MAP3K2: variants seen among roughly 807,000 people sequenced by gnomAD.
MAP3K2 encodes mitogen-activated protein kinase kinase kinase 2.
MAP3K2 carries 24 observed loss-of-function variants against 80.3 expected under a neutral mutation model. The observed-to-expected ratio is 0.30, with a 90% confidence interval of 0.22 to 0.42. The LOEUF is 0.42. Ranked by LOEUF, MAP3K2 falls within the 10% of genes least tolerant of loss-of-function variation. The pLI is 1.00. For missense variants in MAP3K2, 608 were observed against 750.1 expected (o/e 0.81, Z 2.21); for synonymous variants, 244 against 253.7 (o/e 0.96, Z 0.36).
chr2:127,361,334 A>G (rs59366730), intron 1 of MAP3K2, among the ~76,000 whole-genome samples: 1 of 149,216 alleles, frequency 6.7e-6, no homozygotes, highest in African/African-American at 2.5e-5. Flanking sequence ...AAAAAAAAAA[A>G]TTAAAAGGGA....
In MAP3K2 at chr2:127,378,171, C is replaced by A. The variant is rs982451870; in HGVS notation, c.-66+9281G>T. The A allele has an allele frequency of 3.0e-6, 3 of 984,202 alleles. No homozygotes were observed. In the African/African-American group the frequency reaches 5.2e-5, roughly 17 times the overall value. The allele number at this position is 984,202 out of a possible 1,614,324, so 61.0% of individuals were successfully genotyped here. On this transcript the variant is annotated intron_variant, in intron 1 of 16. Transcript: ENST00000682094. Reference sequence around the variant, plus strand: ...GGAGATCTAAAAAACTACACATCCTCAAGGAACCAGAATACAAAGAAAAAC... The same window carrying A: ...GGAGATCTAAAAAACTACACATCCTAAAGGAACCAGAATACAAAGAAAAAC...
intron 1 of MAP3K2, among the ~76,000 whole-genome samples, chr2:127,387,201 TAC>T (rs1325443709): frequency 6.6e-6 from 1 of 152,036 alleles, no homozygotes; most frequent in African/African-American, 2.4e-5. Flanking sequence ...CTCTGCAGGG[TAC>T]GTGTCTGACA....
intron 12 of MAP3K2, among the ~76,000 whole-genome samples, chr2:127,320,491 C>T (rs929442047): frequency 6.6e-6 from 1 of 151,700 alleles, no homozygotes. Flanking sequence ...AGGTATGAGA[C>T]AGTATCAAAT....
rs1179733405 is a variant in MAP3K2 at position 127,299,750 on chromosome 2, TAAA to T, written c.*7826_*7828del. On this transcript the variant is annotated 3_prime_UTR_variant, in exon 17 of 17. Transcript: ENST00000682094. Reference sequence around the variant, plus strand: ...AAAATACAAATACATTTTGAATGGCTAAAAACAAAATTTTAAAAATACTTTTGA... The same window carrying T: ...AAAATACAAATACATTTTGAATGGCTAACAAAATTTTAAAAATACTTTTGA... 1.2e-4 allele frequency: 19 copies of T among 152,164 alleles called. No individual in the cohort carries two copies. The highest frequency in any genetic ancestry group is 1.2e-3 in the Admixed American group (18 of 15,274). 9.4% of individuals were successfully genotyped at this position (152,164 alleles called of 1,614,324 possible).
intron 1 of MAP3K2, among the ~76,000 whole-genome samples, chr2:127,372,261 C>A (rs1364318457): frequency 1.3e-5 from 2 of 152,112 alleles, no homozygotes; most frequent in Non-Finnish European, 2.9e-5. Flanking sequence ...CCCCCGGGAT[C>A]AAAGACAGCT....
Position 127,322,592 on chromosome 2 carries a change from A to AT in MAP3K2, c.839-341dup, listed in dbSNP as rs1247155722. ...AAGATGCAGAAGTTCACAGGTAGTA[A>AT]TTTTTTTCTTTTCTTTTTGAGATGG... On this transcript the variant is annotated intron_variant, in intron 11 of 16. Transcript: ENST00000682094. This position sits in a 1 kb window ranked among gnomAD's most constrained non-coding sequence, Gnocchi z 4.2. Among the ~76,000 whole-genome samples the AT allele has an allele frequency of 6.6e-6, 1 of 151,910 alleles. No individual in the cohort carries two copies. Among genetic ancestry groups the AT allele is most frequent in the Non-Finnish European group, 1.5e-5 (1 of 67,958 alleles).
chr2:127,349,875 G>A (rs1196897604), intron 1 of MAP3K2, among the ~76,000 whole-genome samples: 1 of 151,994 alleles, frequency 6.6e-6, no homozygotes, highest in Admixed American at 6.5e-5. Flanking sequence ...TTTTTCAGGT[G>A]GTTTTGTTTT....
At chr2:127,328,394 T>C (rs913080860) in intron 7 of MAP3K2, among the ~76,000 whole-genome samples, 1 of 152,246 alleles carries the variant, frequency 6.6e-6, no homozygotes, top group South Asian at 2.1e-4. Context: ...TTGTACAATG[T>C]ACAAAATGTA....
At chr2:127,353,282 T>C (rs1686731544) in intron 1 of MAP3K2, among the ~76,000 whole-genome samples, 2 of 150,344 alleles carry the variant, frequency 1.3e-5, no homozygotes, top group Non-Finnish European at 1.5e-5. Flanking sequence ...GCCCATCGTC[T>C]GAGATGTGGG....
intron 1 of MAP3K2, among the ~76,000 whole-genome samples, chr2:127,371,383 G>A (rs552089733): frequency 1.9e-4 from 29 of 152,270 alleles, no homozygotes; most frequent in African/African-American, 4.1e-4. Context: ...GTCTTTGTGC[G>A]CTCTCGGGGC....
chr2:127,372,061 AAAG>A (rs1687074593), intron 1 of MAP3K2, among the ~76,000 whole-genome samples: 1 of 152,162 alleles, frequency 6.6e-6, no homozygotes, highest in Non-Finnish European at 1.5e-5. Flanking sequence ...ATTAGTGCTA[AAAG>A]AAGGAGAAGA....
chr2:127,342,215 G>C (rs576136449), intron 2 of MAP3K2, among the ~76,000 whole-genome samples: 2 of 152,182 alleles, frequency 1.3e-5, no homozygotes, highest in Non-Finnish European at 2.9e-5. Flanking sequence ...CTAGAGTGGA[G>C]AATTTGGGCT....
At position 127,335,893 on chromosome 2, in the gene MAP3K2, C is replaced by A; in HGVS notation, c.241G>T (p.Asp81Tyr). The stretch of plus-strand genomic sequence containing the variant: ...ACCTCGTTATTGGTATAATGTAGAT[C>A]CATAGACTGTCCAAAGGCAATTTTA... ...KAKIAFGQSM[D>Y]LHYTNNELVI... Residue 81 changes from aspartate to tyrosine, a missense_variant, in exon 5 of 17, where the codon GAT becomes TAT. Around this residue, in one of 4 missense-constraint regions of MAP3K2, gnomAD observed 467 missense variants for 521.9 expected, o/e 0.89. Transcript: ENST00000682094. The A allele has an allele frequency of 6.4e-7, 1 of 1,566,322 alleles. No homozygotes were observed. The highest frequency in any genetic ancestry group is 2.3e-5 in the East Asian group (1 of 43,402).
At chr2:127,327,981 A>G (rs573128669) in intron 7 of MAP3K2, among the ~76,000 whole-genome samples, 2 of 152,360 alleles carry the variant, frequency 1.3e-5, no homozygotes, top group African/African-American at 4.8e-5. Context: ...TAATGCAACT[A>G]AAGTGAATTA....
intron 9 of MAP3K2, among the ~76,000 whole-genome samples, chr2:127,325,075 T>C (rs1215113197): frequency 6.6e-6 from 1 of 152,214 alleles, no homozygotes; most frequent in Admixed American, 6.5e-5. Flanking sequence ...AACATATTAA[T>C]GTAAAAGTTG....
rs1685791165 is a variant in MAP3K2 at position 127,310,571 on chromosome 2, A to G, written c.1457-1809T>C. 6.6e-6 allele frequency among the ~76,000 whole-genome samples: 1 copy of G among 152,180 alleles called. No homozygotes were observed. The highest frequency in any genetic ancestry group is 2.4e-5 in the African/African-American group (1 of 41,446). On this transcript the variant is annotated intron_variant, in intron 15 of 16. Transcript: ENST00000682094. This position sits in a 1 kb window ranked among gnomAD's most constrained non-coding sequence, Gnocchi z 4.8. ...GGGGCTGAGGCTGAAGGATCGCTTA[A>G]GCCCAGAGGGCCAAGGCTGCGGTGA...
intron 1 of MAP3K2, among the ~76,000 whole-genome samples, chr2:127,344,014 A>G (rs1275497781): frequency 6.6e-6 from 1 of 152,122 alleles, no homozygotes. Flanking sequence ...CCTAGAAGAA[A>G]AAAAAAAGTG....
chr2:127,324,211 C>T lies in MAP3K2; in HGVS notation c.708G>A (p.Arg236=). ...GESYPKSRMP[R]AQSYPDNHQE... is the part of the protein sequence containing the mutation. ...GATGATTATCTGGGTAGCTCTGAGC[C>T]CTAGGCATTCGTGATTTTGGATAGC... Residue 236 remains arginine (R), a synonymous_variant, in exon 10 of 17, where the codon AGG becomes AGA. Coordinates refer to ENST00000682094, the MANE Select transcript of MAP3K2 (RefSeq NM_001371910.2). 6.4e-7 allele frequency: 1 copy of T among 1,565,418 alleles called. No individual in the cohort carries two copies. Among genetic ancestry groups the T allele is most frequent in the Non-Finnish European group, 8.6e-7 (1 of 1,156,108 alleles).
chr2:127,332,432 G>C (rs1224466693), intron 5 of MAP3K2, among the ~76,000 whole-genome samples: 8 of 152,240 alleles, frequency 5.3e-5, no homozygotes, highest in Non-Finnish European at 1.0e-4. Flanking sequence ...AAATGATTCT[G>C]CTGCTCTTCA....
Sources: gnomAD v4.1 joint callset for allele counts (sites outside exome capture counted in the v4.1 genomes callset) on GRCh38, gnomAD v4.1.1 for gene constraint, gnomAD v4.1.1 regional missense constraint, Gnocchi (gnomAD v3.1) non-coding constraint, MANE v1.5 for transcripts, NCBI Gene and HGNC (gene_info 2026-07-23, HGNC 2026-07-21) for gene names.